Variants in ZNF609 observed in about 807,000 individuals in gnomAD.
ZNF609 encodes zinc finger protein 609.
In ZNF609, 11 loss-of-function variants were observed where a neutral mutation model predicts 109.5. The observed-to-expected ratio is 0.10, with a 90% confidence interval of 0.06 to 0.17. The LOEUF is 0.17. Among genes scored for constraint, ZNF609 ranks in the 10% least tolerant of loss-of-function variants. The pLI, the probability that ZNF609 is intolerant of heterozygous loss-of-function variation, is 1.00. For missense variants in ZNF609, 1,559 were observed against 1,772.4 expected (o/e 0.88, Z 2.16); for synonymous variants, 646 against 662.0 (o/e 0.98, Z 0.37).
Position 64,596,215 on chromosome 15 carries a change from G to A in ZNF609, c.748-26612G>A, listed in dbSNP as rs184837080. ...TTGCCCCAGGCTAAAGTGCAGCGGC[G>A]CGATCTCAGCTCACTGCACCCTCTG... On this transcript the variant is annotated intron_variant, in intron 2 of 9. Coordinates refer to ENST00000326648, the MANE Select transcript of ZNF609 (RefSeq NM_015042.2). Among the ~76,000 whole-genome samples the A allele has an allele frequency of 5.9e-5, 9 of 152,004 alleles. No homozygotes were observed. The East Asian group carries it at 1.5e-3, about 26-fold the overall frequency.
rs1035118225 is a variant in ZNF609, at chr15:64,473,301, C to T, written c.-128+12463C>T. 3.2e-4 allele frequency among the ~76,000 whole-genome samples: 47 copies of T among 146,640 alleles called. 1 individual carries two copies. Among genetic ancestry groups the T allele is most frequent in the African/African-American group, 1.1e-3 (42 of 39,264 alleles). On this transcript the variant is annotated intron_variant, in intron 1 of 9. Transcript: ENST00000326648. Reference sequence around the variant, plus strand: ...GCAACCTCTGCCTCCTGGGTTCAAGCGATTCTCCTGCCTCAGCCTCCCAAG... The same window carrying T: ...GCAACCTCTGCCTCCTGGGTTCAAGTGATTCTCCTGCCTCAGCCTCCCAAG...
intron 3 of ZNF609, among the ~76,000 whole-genome samples, chr15:64,658,456 C>T (rs1896523579): frequency 6.6e-6 from 1 of 152,130 alleles, no homozygotes; most frequent in South Asian, 2.1e-4. Context: ...CTCAGCCTCC[C>T]AAAGTGCTGG....
At chr15:64,493,894 T>C (rs1893448376) in intron 1 of ZNF609, among the ~76,000 whole-genome samples, 1 of 152,200 alleles carries the variant, frequency 6.6e-6, no homozygotes, top group Non-Finnish European at 1.5e-5. Context: ...GATTATTAGC[T>C]GCATAAAGCC....
chr15:64,547,682 G>A (rs1894389660), intron 2 of ZNF609, among the ~76,000 whole-genome samples: 1 of 151,634 alleles, frequency 6.6e-6, no homozygotes. Flanking sequence ...TTTTGTTAGT[G>A]AGTCCCCACC....
At chr15:64,485,361 A>AATG (rs1310780766) in intron 1 of ZNF609, among the ~76,000 whole-genome samples, 2 of 152,240 alleles carry the variant, frequency 1.3e-5, no homozygotes, top group African/African-American at 4.8e-5. Flanking sequence ...ATTTTAGCTT[A>AATG]ATGATTGGGC....
chr15:64,483,074 T>C (rs994278523), intron 1 of ZNF609, among the ~76,000 whole-genome samples: 6 of 152,206 alleles, frequency 3.9e-5, no homozygotes, highest in African/African-American at 1.4e-4. Flanking sequence ...GATTACAGTG[T>C]GCTGTTTCAG....
chr15:64,659,201 C>T (rs181533437), intron 3 of ZNF609, among the ~76,000 whole-genome samples: 1 of 152,254 alleles, frequency 6.6e-6, no homozygotes. Context: ...GTATAAAACG[C>T]GTTTTTAGTT....
chr15:64,643,405 T>C (rs1435368401), intron 3 of ZNF609, among the ~76,000 whole-genome samples: 1 of 152,182 alleles, frequency 6.6e-6, no homozygotes, highest in Non-Finnish European at 1.5e-5. Context: ...GTTGAGGTAT[T>C]GGTTGTAGCT....
chr15:64,626,451 C>G (rs571467246), intron 3 of ZNF609, among the ~76,000 whole-genome samples: 1 of 152,280 alleles, frequency 6.6e-6, no homozygotes, highest in East Asian at 1.9e-4. Flanking sequence ...TTCCAGACTT[C>G]TAGGTTTTTT....
At position 64,639,212 on chromosome 15, in the gene ZNF609, A is replaced by G. The variant is rs114281568; in HGVS notation, c.973+16160A>G. Among the ~76,000 whole-genome samples, 1,358 of 152,356 alleles carry G rather than the reference A, an allele frequency of 8.9e-3. 24 individuals carry two copies. Among genetic ancestry groups the G allele is most frequent in the African/African-American group, 0.031 (1,291 of 41,584 alleles). On this transcript the variant is annotated intron_variant, in intron 3 of 9. Coordinates refer to ENST00000326648, the MANE Select transcript of ZNF609 (RefSeq NM_015042.2). The stretch of plus-strand genomic sequence containing the variant: ...TCTCCACCAACCCTGTTTGAGAACC[A>G]CTGACTTAGACTGCAGTCTAGCAGC...
At chr15:64,654,678 T>G (rs981803750) in intron 3 of ZNF609, among the ~76,000 whole-genome samples, 1 of 152,210 alleles carries the variant, frequency 6.6e-6, no homozygotes, top group African/African-American at 2.4e-5. Context: ...TTCTATAATA[T>G]GTATCTCCAT....
At chr15:64,598,479 A>T (rs1895435435) in intron 2 of ZNF609, among the ~76,000 whole-genome samples, 2 of 151,836 alleles carry the variant, frequency 1.3e-5, no homozygotes, top group Admixed American at 6.6e-5. Context: ...GTTTATTTTT[A>T]TTTATCTTTA....
chr15:64,479,283 G>GGTTTT (rs1389448753), intron 1 of ZNF609, among the ~76,000 whole-genome samples: 28 of 64,324 alleles, frequency 4.4e-4, no homozygotes, highest in Non-Finnish European at 5.6e-4. Context: ...GTACCTGTGT[G>GGTTTT]ATTTTTTTTT....
intron 2 of ZNF609, among the ~76,000 whole-genome samples, chr15:64,598,458 T>C (rs1309595038): frequency 2.6e-5 from 4 of 152,150 alleles, no homozygotes; most frequent in Non-Finnish European, 4.4e-5. Context: ...TATATACTTA[T>C]GTATAGATCA....
intron 2 of ZNF609, among the ~76,000 whole-genome samples, chr15:64,607,436 A>C (rs1228080263): frequency 6.6e-6 from 1 of 151,896 alleles, no homozygotes; most frequent in East Asian, 1.9e-4. Flanking sequence ...ATTAAACCAG[A>C]CATTGAAAAT....
At chr15:64,587,607 A>G (rs1166125267) in intron 2 of ZNF609, among the ~76,000 whole-genome samples, 1 of 152,186 alleles carries the variant, frequency 6.6e-6, no homozygotes, top group Non-Finnish European at 1.5e-5. Context: ...CTCAAAAAAC[A>G]TTTATGGAGT....
In ZNF609 at chr15:64,583,781, T is replaced by TA. The variant is rs145585573; in HGVS notation, c.748-39045dup. Reference sequence around the variant, plus strand: ...GCTGCCTTGGGTAGTGGAGATGATCTAGAGCTCTGATTGTATCTTTTAGGA... The same window carrying TA: ...GCTGCCTTGGGTAGTGGAGATGATCTAAGAGCTCTGATTGTATCTTTTAGGA... On this transcript the variant is annotated intron_variant, in intron 2 of 9. Transcript: ENST00000326648. Among the ~76,000 whole-genome samples the TA allele has an allele frequency of 2.2e-3, 336 of 152,262 alleles. 3 individuals carry two copies. The highest frequency in any genetic ancestry group is 7.7e-3 in the African/African-American group (319 of 41,546).
chr15:64,650,434 T>A (rs1402001516), intron 3 of ZNF609, among the ~76,000 whole-genome samples: 101 of 128,824 alleles, frequency 7.8e-4, no homozygotes, highest in Middle Eastern at 4.1e-3. Flanking sequence ...AAAAAAAAAA[T>A]TGTAAAAAAA....
At chr15:64,592,295 A>T (rs1895312278) in intron 2 of ZNF609, among the ~76,000 whole-genome samples, 1 of 152,204 alleles carries the variant, frequency 6.6e-6, no homozygotes, top group African/African-American at 2.4e-5. Context: ...AATTCTATTC[A>T]GCTGGGCATG....
Sources: gnomAD v4.1 joint callset for allele counts (sites outside exome capture counted in the v4.1 genomes callset) on GRCh38, gnomAD v4.1.1 for gene constraint, MANE v1.5 for transcripts, NCBI Gene and HGNC (gene_info 2026-07-23, HGNC 2026-07-21) for gene names.